The following RORA variants were observed in gnomAD, a reference collection of about 807,000 sequenced individuals.
The protein encoded by RORA is nuclear receptor ROR-alpha.
RORA carries 7 observed loss-of-function variants against 69.5 expected under a neutral mutation model. That is an observed-to-expected ratio of 0.10 (90% CI 0.06 to 0.19). The LOEUF (loss-of-function observed/expected upper bound fraction) is 0.19. Among genes scored for constraint, RORA ranks in the 10% least tolerant of loss-of-function variants. RORA has a pLI of 1.00. For synonymous variants in RORA, 261 were observed against 240.8 expected, an observed-to-expected ratio of 1.08 and a Z score of -0.78; for missense variants, 457 against 663.0, an observed-to-expected ratio of 0.69 and a Z score of 3.41.
chr15:61,141,916 G>C (rs1413237483), intron 1 of RORA, among the ~76,000 whole-genome samples: 1 of 151,986 alleles, frequency 6.6e-6, no homozygotes, highest in African/African-American at 2.4e-5. Context: ...GAGGGGGAAA[G>C]AGAGCCTGAT....
chr15:60,713,742 T>C (rs1365832568), intron 1 of RORA, among the ~76,000 whole-genome samples: 1 of 152,146 alleles, frequency 6.6e-6, no homozygotes, highest in African/African-American at 2.4e-5. Context: ...CCCATGACAG[T>C]AAAGTGAAGT....
intron 1 of RORA, among the ~76,000 whole-genome samples, chr15:61,196,861 T>C (rs1349330466): frequency 6.6e-6 from 1 of 152,224 alleles, no homozygotes; most frequent in Admixed American, 6.5e-5. Flanking sequence ...TTTCCTGATC[T>C]CTTTGAGCAC....
chr15:61,119,942 G>A (rs1302318599), intron 1 of RORA, among the ~76,000 whole-genome samples: 1 of 152,192 alleles, frequency 6.6e-6, no homozygotes, highest in Non-Finnish European at 1.5e-5. Flanking sequence ...GCAAATGCTA[G>A]TGGCAACAGG....
intron 1 of RORA, among the ~76,000 whole-genome samples, chr15:60,946,123 C>A (rs561607257): frequency 6.6e-6 from 1 of 152,206 alleles, no homozygotes; most frequent in Non-Finnish European, 1.5e-5. Flanking sequence ...GAGCCAGGAT[C>A]AGCGGGTGTG....
intron 2 of RORA, among the ~76,000 whole-genome samples, chr15:60,568,456 T>A (rs574911288): frequency 1.3e-5 from 2 of 152,340 alleles, no homozygotes; most frequent in Non-Finnish European, 2.9e-5. Flanking sequence ...GCATGATCTA[T>A]TCTCAAGACC....
intron 2 of RORA, among the ~76,000 whole-genome samples, chr15:60,562,837 A>C (rs1006910904): frequency 6.6e-6 from 1 of 152,134 alleles, no homozygotes; most frequent in Non-Finnish European, 1.5e-5. Flanking sequence ...TCAGACTCCC[A>C]AAGTGCTGAC....
chr15:60,690,662 T>A (rs144669840), intron 1 of RORA, among the ~76,000 whole-genome samples: 10 of 152,348 alleles, frequency 6.6e-5, no homozygotes, highest in Admixed American at 2.0e-4. Context: ...ATGTTAGATC[T>A]GGAATAGACT....
chr15:61,038,545 C>T (rs963663828), intron 1 of RORA, among the ~76,000 whole-genome samples: 14 of 152,346 alleles, frequency 9.2e-5, no homozygotes, highest in Admixed American at 2.6e-4. Flanking sequence ...CAGTCAGTCA[C>T]ACTCTCAACA....
intron 1 of RORA, among the ~76,000 whole-genome samples, chr15:60,691,609 G>A (rs1439110897): frequency 6.6e-6 from 1 of 152,232 alleles, no homozygotes; most frequent in African/African-American, 2.4e-5. Flanking sequence ...CATCTAAAGA[G>A]AGGTTTGCAC....
At chr15:61,202,174 A>AT (rs1014245576) in intron 1 of RORA, among the ~76,000 whole-genome samples, 25 of 150,880 alleles carry the variant, frequency 1.7e-4, no homozygotes, top group Admixed American at 3.3e-4. Flanking sequence ...TGCCCAGCTA[A>AT]TTTTTTTTTG....
chr15:60,748,365 A>G (rs2071678565), intron 1 of RORA, among the ~76,000 whole-genome samples: 1 of 151,846 alleles, frequency 6.6e-6, no homozygotes, highest in Non-Finnish European at 1.5e-5. Flanking sequence ...GCCTTCAGAC[A>G]TAGGGATTAT....
At chr15:60,821,389 C>A (rs774327328) in intron 1 of RORA, among the ~76,000 whole-genome samples, 3 of 152,180 alleles carry the variant, frequency 2.0e-5, no homozygotes, top group Non-Finnish European at 4.4e-5. Context: ...CGTGTCCTGG[C>A]GCCTGTGGTC....
intron 1 of RORA, among the ~76,000 whole-genome samples, chr15:60,859,648 TTTCTTTC>T (rs1259099111): frequency 5.8e-5 from 5 of 86,426 alleles, no homozygotes; most frequent in South Asian, 9.0e-4. Flanking sequence ...TCTTTCTTTC[TTTCTTTC>T]TTTTTTTTTT....
rs2065104493 is a variant in RORA at position 60,493,981 on chromosome 15, ACACAC to A, written c.*3469_*3473del. ...CACACACACACACACACACACACAC[ACACAC>A]ACTCCTTCCTCACCTGACCCTCAGC... On this transcript the variant is annotated 3_prime_UTR_variant, in exon 11 of 11. Coordinates refer to ENST00000335670, the MANE Select transcript of RORA (RefSeq NM_134261.3). 6.9e-6 allele frequency: 1 copy of A among 145,400 alleles called. No homozygotes were observed. Among genetic ancestry groups the A allele is most frequent in the Non-Finnish European group, 1.5e-5 (1 of 66,122 alleles). The allele number at this position is 145,400 out of a possible 1,614,324, so 9.0% of individuals were successfully genotyped here.
chr15:61,085,266 A>C (rs1420023580), intron 1 of RORA, among the ~76,000 whole-genome samples: 1 of 152,206 alleles, frequency 6.6e-6, no homozygotes, highest in African/African-American at 2.4e-5. Context: ...TCCCCACAGC[A>C]TACCTGGCTG....
chr15:60,514,527 G>A (rs1242335805), intron 4 of RORA, 89 bp downstream of exon 4: 10 of 1,292,872 alleles, frequency 7.7e-6, no homozygotes, highest in African/African-American at 1.5e-5. Flanking sequence ...GGGGGCAGGC[G>A]GGGCAGATAT....
chr15:60,664,491 T>C, intron 2 of RORA, among the ~76,000 whole-genome samples: 1 of 152,184 alleles, frequency 6.6e-6, no homozygotes, highest in Middle Eastern at 3.2e-3. Context: ...TATCAAAAAA[T>C]CAACTTCAGA....
intron 2 of RORA, among the ~76,000 whole-genome samples, chr15:60,577,619 G>A (rs971658315): frequency 6.8e-6 from 1 of 147,372 alleles, no homozygotes; most frequent in Non-Finnish European, 1.5e-5. Flanking sequence ...ACTCCAGCCT[G>A]GGTGACAGAG....
intron 1 of RORA, among the ~76,000 whole-genome samples, chr15:61,156,864 A>G (rs1365007018): frequency 6.6e-6 from 1 of 152,212 alleles, no homozygotes; most frequent in Admixed American, 6.5e-5. Flanking sequence ...GTTGCAAAAT[A>G]TGGCCAGTGC....
Sources: gnomAD v4.1 joint callset for allele counts (sites outside exome capture counted in the v4.1 genomes callset) on GRCh38, gnomAD v4.1.1 for gene constraint, MANE v1.5 for transcripts, NCBI Gene and HGNC (gene_info 2026-07-23, HGNC 2026-07-21) for gene names.